NTRK3: variants seen among roughly 807,000 people sequenced by gnomAD.
NTRK3 encodes the protein neurotrophic receptor tyrosine kinase 3.
NTRK3 carries 24 observed loss-of-function variants against 91.7 expected under a neutral mutation model. The ratio of observed to expected loss-of-function variants is 0.26; its 90% confidence interval spans 0.19 to 0.37. The LOEUF is 0.37. Among genes scored for constraint, NTRK3 ranks in the 10% least tolerant of loss-of-function variants. The pLI is 1.00. For synonymous variants in NTRK3, 483 were observed against 404.0 expected (o/e 1.20, Z -2.34); for missense variants, 880 against 1,068.9 (o/e 0.82, Z 2.46).
At chr15:87,949,832 C>G (rs1340021933) in intron 14 of NTRK3, among the ~76,000 whole-genome samples, 1 of 152,204 alleles carries the variant, frequency 6.6e-6, no homozygotes, top group African/African-American at 2.4e-5. Flanking sequence ...AGAAAAAGAA[C>G]TCCCCAAGGA....
intron 13 of NTRK3, among the ~76,000 whole-genome samples, chr15:88,034,638 AAGTTTATGGAG>A (rs2078906822): frequency 6.6e-6 from 1 of 152,184 alleles, no homozygotes; most frequent in Non-Finnish European, 1.5e-5. Context: ...CATCTTACTG[AAGTTTATGGAG>A]AGAATATTTC....
intron 3 of NTRK3, among the ~76,000 whole-genome samples, chr15:88,207,286 G>C (rs2048876773): frequency 6.6e-6 from 1 of 152,160 alleles, no homozygotes; most frequent in African/African-American, 2.4e-5. Context: ...TGTCCCATGA[G>C]CTGGGTGGTG....
intron 17 of NTRK3, among the ~76,000 whole-genome samples, chr15:87,906,765 C>G (rs992793793): frequency 6.6e-6 from 1 of 152,208 alleles, no homozygotes; most frequent in African/African-American, 2.4e-5. Flanking sequence ...ACACTAACTA[C>G]CACCACCAAC....
chr15:87,970,820 G>T (rs2073196005), intron 14 of NTRK3, among the ~76,000 whole-genome samples: 1 of 152,156 alleles, frequency 6.6e-6, no homozygotes, highest in Non-Finnish European at 1.5e-5. Flanking sequence ...AAGAGAAAAA[G>T]ATTTTTCTGC....
chr15:88,187,511 T>C (rs1312643299), intron 3 of NTRK3, among the ~76,000 whole-genome samples: 1 of 151,924 alleles, frequency 6.6e-6, no homozygotes, highest in East Asian at 1.9e-4. Flanking sequence ...CTAGAAAATA[T>C]TATATATATA....
chr15:88,105,185 C>T (rs2050571551), intron 13 of NTRK3, among the ~76,000 whole-genome samples: 3 of 152,214 alleles, frequency 2.0e-5, no homozygotes, highest in African/African-American at 7.2e-5. Context: ...ACCTGATTGT[C>T]AACCACGGCT....
chr15:88,004,336 C>A (rs145563770), intron 14 of NTRK3, among the ~76,000 whole-genome samples: 1 of 152,124 alleles, frequency 6.6e-6, no homozygotes, highest in South Asian at 2.1e-4. Context: ...GCCCAAGAGA[C>A]TTTTGCATGT....
chr15:87,866,608 C>G (rs1166840257), exon 19 of NTRK3: 1 of 183,208 alleles, frequency 5.5e-6, no homozygotes, highest in Admixed American at 6.3e-5. Context: ...TTTTTCAGAG[C>G]CATTTAAGGA....
At chr15:88,156,565 C>T (rs1426997538) in intron 5 of NTRK3, among the ~76,000 whole-genome samples, 2 of 151,268 alleles carry the variant, frequency 1.3e-5, no homozygotes, top group Non-Finnish European at 2.9e-5. Flanking sequence ...TGGCACTTCT[C>T]CTGCTCCACA....
chr15:88,130,686 C>G (rs1024391320), intron 10 of NTRK3, among the ~76,000 whole-genome samples: 2 of 152,084 alleles, frequency 1.3e-5, no homozygotes, highest in South Asian at 4.2e-4. Context: ...AATGGAAAGA[C>G]AGTCTACAAA....
chr15:87,936,856 G>A (rs990185721), intron 15 of NTRK3, among the ~76,000 whole-genome samples: 9 of 152,100 alleles, frequency 5.9e-5, no homozygotes, highest in African/African-American at 2.2e-4. Flanking sequence ...CTGTCTTCCT[G>A]GCTTAAAACT....
At chr15:88,157,075 C>G (rs1244128674) in intron 5 of NTRK3, among the ~76,000 whole-genome samples, 1 of 152,144 alleles carries the variant, frequency 6.6e-6, no homozygotes, top group African/African-American at 2.4e-5. Context: ...TCCCACTGCC[C>G]TCCTCCACCC....
rs149666176 is a variant in NTRK3 at position 88,237,772 on chromosome 15, G to GA, written c.248+18133dup. ...AACAAGACACACCAAAATAAAATGA[G>GA]AAAAAAAAAATCAGCCTTGATGAAC... On this transcript the variant is annotated intron_variant, in intron 3 of 18. Transcript: ENST00000394480. The surrounding 1 kb of genome is among the most constrained non-coding windows in gnomAD (Gnocchi z 4.0). Among the ~76,000 whole-genome samples the GA allele has an allele frequency of 5.8e-3, 862 of 148,292 alleles. 7 individuals carry two copies. Among genetic ancestry groups the GA allele is most frequent in the African/African-American group, 0.017 (674 of 40,402 alleles).
intron 3 of NTRK3, among the ~76,000 whole-genome samples, chr15:88,215,649 T>C (rs2049705211): frequency 6.6e-6 from 1 of 152,114 alleles, no homozygotes; most frequent in Non-Finnish European, 1.5e-5. Context: ...AGCAACACAA[T>C]TGCATAACAA....
At chr15:87,971,330 T>C (rs2141274451) in intron 14 of NTRK3, among the ~76,000 whole-genome samples, 1 of 152,326 alleles carries the variant, frequency 6.6e-6, no homozygotes, top group East Asian at 1.9e-4. Flanking sequence ...TCACAGATCC[T>C]GGCTGTGCCC....
At chr15:88,138,126 G>A (rs537532300) in intron 6 of NTRK3, among the ~76,000 whole-genome samples, 6 of 152,132 alleles carry the variant, frequency 3.9e-5, no homozygotes, top group African/African-American at 9.6e-5. Flanking sequence ...ATCAGCGGCC[G>A]GGCGTGGTGG....
exon 9 of NTRK3, chr15:88,136,021 T>A: frequency 6.2e-7 from 1 of 1,614,254 alleles, no homozygotes; most frequent in Non-Finnish European, 8.5e-7. Flanking sequence ...GGCATGAACA[T>A]TGGTCCAGTT....
At chr15:88,017,509 G>T (rs997688504) in intron 14 of NTRK3, among the ~76,000 whole-genome samples, 4 of 152,204 alleles carry the variant, frequency 2.6e-5, no homozygotes, top group African/African-American at 9.6e-5. Context: ...ATAAAAGGGA[G>T]AATCCAGAAC....
intron 13 of NTRK3, among the ~76,000 whole-genome samples, chr15:88,058,183 G>A (rs764802802): frequency 3.9e-5 from 6 of 152,166 alleles, no homozygotes; most frequent in African/African-American, 9.7e-5. Context: ...AACTTGGATC[G>A]CTTTGGCCAA....
Sources: gnomAD v4.1 joint callset for allele counts (sites outside exome capture counted in the v4.1 genomes callset) on GRCh38, gnomAD v4.1.1 for gene constraint, Gnocchi (gnomAD v3.1) non-coding constraint, MANE v1.5 for transcripts, NCBI Gene and HGNC (gene_info 2026-07-23, HGNC 2026-07-21) for gene names.